The following PLD5 variants were observed in gnomAD, a reference collection of about 807,000 sequenced individuals.
The protein encoded by PLD5 is phospholipase D family member 5.
PLD5 carries 36 observed loss-of-function variants against 61.1 expected under a neutral mutation model. The observed-to-expected ratio is 0.59, with a 90% CI of 0.45 to 0.78. The LOEUF (loss-of-function observed/expected upper bound fraction) is 0.78, where lower values mean the gene tolerates loss of function less well. Among genes scored for constraint, PLD5 ranks in the 30% least tolerant of loss-of-function variants. The probability of loss-of-function intolerance (pLI) is 0.00; values close to 1 mark genes in which losing one functional copy is unlikely to be tolerated. For synonymous variants in PLD5, 243 were observed against 242.8 expected, an observed-to-expected ratio of 1.00 and a Z score of -0.01; for missense variants, 515 against 644.4, an observed-to-expected ratio of 0.80 and a Z score of 2.17.
chr1:242,144,257 T>A lies in PLD5; in HGVS notation c.736-19592A>T, dbSNP rs866380692. On this transcript the variant is annotated intron_variant, in intron 5 of 9. Coordinates refer to ENST00000536534, the MANE Select transcript of PLD5 (RefSeq NM_001372062.1). ...CCACACCCAGCCTCAAATTTTATTT[T>A]TTTTTTAAAATATTATTAAACAAAC... Among the ~76,000 whole-genome samples, 22 of 91,010 alleles carry A rather than the reference T, an allele frequency of 2.4e-4. No individual in the cohort carries two copies. In the Middle Eastern group the frequency reaches 0.015, roughly 63 times the overall value. The allele number at this position is 91,010 out of a possible 152,430, so 59.7% of individuals were successfully genotyped here. A position where few individuals can be genotyped will look rare whatever the true frequency, so the allele number is the denominator to read the frequency against.
chr1:242,364,483 G>A (rs578249692), intron 1 of PLD5, among the ~76,000 whole-genome samples: 166 of 152,262 alleles, frequency 1.1e-3, no homozygotes, highest in African/African-American at 3.8e-3. Context: ...TTGGGAGGCC[G>A]GGGTGGGCGG....
At chr1:242,234,125 T>C (rs751892378) in intron 4 of PLD5, among the ~76,000 whole-genome samples, 3 of 152,178 alleles carry the variant, frequency 2.0e-5, no homozygotes, top group Admixed American at 1.3e-4. Context: ...TTTATTCTTC[T>C]TCCAGAAAAA....
At chr1:242,233,597 A>T (rs1051134029) in intron 4 of PLD5, among the ~76,000 whole-genome samples, 6 of 152,144 alleles carry the variant, frequency 3.9e-5, no homozygotes, top group South Asian at 4.1e-4. Context: ...GGCTGGCGGC[A>T]GGCATGCAGG....
chr1:242,293,400 T>A (rs1277004639), intron 2 of PLD5, among the ~76,000 whole-genome samples: 2 of 152,230 alleles, frequency 1.3e-5, no homozygotes, highest in Admixed American at 1.3e-4. Context: ...ACATTCAATA[T>A]GTTATTTTGG....
At chr1:242,298,574 C>A (rs1675850129) in intron 2 of PLD5, among the ~76,000 whole-genome samples, 1 of 152,102 alleles carries the variant, frequency 6.6e-6, no homozygotes, top group Non-Finnish European at 1.5e-5. Context: ...GGGTATGCTA[C>A]AAGCACACTT....
At chr1:242,203,164 T>C (rs972151234) in intron 5 of PLD5, among the ~76,000 whole-genome samples, 23 of 151,678 alleles carry the variant, frequency 1.5e-4, no homozygotes, top group Admixed American at 3.9e-4. Context: ...CCGCCACCTA[T>C]GACCCGCTTC....
chr1:242,480,113 C>T (rs1384447683), intron 1 of PLD5, among the ~76,000 whole-genome samples: 2 of 151,328 alleles, frequency 1.3e-5, no homozygotes, highest in Non-Finnish European at 2.9e-5. Context: ...TCAAGACATA[C>T]TTTCAAACTG....
At chr1:242,185,447 G>T (rs1019563434) in intron 5 of PLD5, among the ~76,000 whole-genome samples, 2 of 152,082 alleles carry the variant, frequency 1.3e-5, no homozygotes, top group Non-Finnish European at 2.9e-5. Context: ...TGAATAGTAT[G>T]TATTCTTTTC....
chr1:242,345,848 G>A, intron 2 of PLD5: 2 of 331,140 alleles, frequency 6.0e-6, no homozygotes, highest in Non-Finnish European at 1.2e-5. Context: ...GGCAAAAGCA[G>A]AAACTTCCTG....
chr1:242,518,219 T>C (rs1339735249), intron 1 of PLD5, among the ~76,000 whole-genome samples: 1 of 152,214 alleles, frequency 6.6e-6, no homozygotes, highest in Non-Finnish European at 1.5e-5. Flanking sequence ...TTTGTGATTT[T>C]AGAAACTGGG....
intron 2 of PLD5, among the ~76,000 whole-genome samples, chr1:242,326,393 G>A (rs1265223154): frequency 6.6e-6 from 1 of 152,068 alleles, no homozygotes; most frequent in African/African-American, 2.4e-5. Flanking sequence ...GAAAACACGG[G>A]GTCATGCTAC....
At chr1:242,347,752 G>T (rs1435468768) in intron 2 of PLD5, among the ~76,000 whole-genome samples, 1 of 152,156 alleles carries the variant, frequency 6.6e-6, no homozygotes, top group East Asian at 1.9e-4. Context: ...TACATTTGAT[G>T]GAACAACTAG....
intron 1 of PLD5, among the ~76,000 whole-genome samples, chr1:242,405,064 A>G (rs1004912207): frequency 6.6e-6 from 1 of 151,780 alleles, no homozygotes; most frequent in African/African-American, 2.4e-5. Flanking sequence ...TATTTTAAAT[A>G]GAGATGGAGT....
At chr1:242,141,321 C>T (rs1168549178) in intron 5 of PLD5, among the ~76,000 whole-genome samples, 2 of 152,096 alleles carry the variant, frequency 1.3e-5, no homozygotes, top group African/African-American at 2.4e-5. Flanking sequence ...GCCAGGCTCC[C>T]GATGACATTT....
At chr1:242,296,087 A>G (rs561748498) in intron 2 of PLD5, among the ~76,000 whole-genome samples, 1 of 152,292 alleles carries the variant, frequency 6.6e-6, no homozygotes, top group East Asian at 1.9e-4. Context: ...GTTATTACAA[A>G]GATTAACGGA....
rs142057610 is a variant in PLD5 at position 242,237,475 on chromosome 1, A to C, written c.608-17360T>G. ...GCTTTTCTCCTGCACAGACAGCATG[A>C]GGTAGAGCTTTCTTAGTAGGGGTGC... On this transcript the variant is annotated intron_variant, in intron 4 of 9. Transcript: ENST00000536534. 3.8e-3 allele frequency among the ~76,000 whole-genome samples: 582 copies of C among 152,230 alleles called. 2 individuals carry two copies. The highest frequency in any genetic ancestry group is 0.013 in the African/African-American group (539 of 41,534).
At chr1:242,361,719 C>G (rs1372798894) in intron 1 of PLD5, among the ~76,000 whole-genome samples, 1 of 152,056 alleles carries the variant, frequency 6.6e-6, no homozygotes, top group African/African-American at 2.4e-5. Flanking sequence ...AATGTCATAT[C>G]CTTAACAAAC....
intron 5 of PLD5, among the ~76,000 whole-genome samples, chr1:242,172,388 G>A (rs565151697): frequency 6.6e-6 from 1 of 152,214 alleles, no homozygotes; most frequent in East Asian, 1.9e-4. Context: ...GTGTGTAGAG[G>A]GAAACTGATA....
At chr1:242,207,858 A>ATATT (rs1558344181) in intron 5 of PLD5, among the ~76,000 whole-genome samples, 6 of 42,032 alleles carry the variant, frequency 1.4e-4, no homozygotes, top group African/African-American at 4.1e-4. Context: ...ATATTTATAT[A>ATATT]TTTATATATT....
Sources: gnomAD v4.1 joint callset for allele counts (sites outside exome capture counted in the v4.1 genomes callset) on GRCh38, gnomAD v4.1.1 for gene constraint, MANE v1.5 for transcripts, NCBI Gene and HGNC (gene_info 2026-07-23, HGNC 2026-07-21) for gene names.